Variants in RERE observed in about 807,000 individuals in gnomAD.
The protein encoded by RERE is arginine-glutamic acid dipeptide repeats protein.
A neutral mutation model predicts 146.1 loss-of-function variants in RERE; 40 were observed. That is an observed-to-expected ratio of 0.27 (90% CI 0.21 to 0.36). The LOEUF is 0.36. Among genes scored for constraint, RERE ranks in the 10% least tolerant of loss-of-function variants. The pLI is 1.00. For missense variants in RERE, 1,933 were observed against 2,138.7 expected, an observed-to-expected ratio of 0.90 and a Z score of 1.90; for synonymous variants, 1,003 against 866.0, an observed-to-expected ratio of 1.16 and a Z score of -2.78.
chr1:8,388,929 G>A (rs963499941), intron 12 of RERE, among the ~76,000 whole-genome samples: 1 of 152,064 alleles, frequency 6.6e-6, no homozygotes, highest in Non-Finnish European at 1.5e-5. Flanking sequence ...GGTGCTGTCC[G>A]AGCTCCACAG....
intron 10 of RERE, among the ~76,000 whole-genome samples, chr1:8,482,056 C>T (rs1476179137): frequency 6.6e-6 from 1 of 152,072 alleles, no homozygotes; most frequent in Admixed American, 6.5e-5. Context: ...TGCCTGAAAA[C>T]AGTACCCCCT....
intron 11 of RERE, among the ~76,000 whole-genome samples, chr1:8,442,158 G>T (rs1007772005): frequency 3.9e-5 from 6 of 152,136 alleles, no homozygotes; most frequent in African/African-American, 1.4e-4. Flanking sequence ...GCTTAGGTGG[G>T]CAGATTACCT....
intron 2 of RERE, among the ~76,000 whole-genome samples, chr1:8,654,031 T>TC (rs1647782998): frequency 6.6e-6 from 1 of 150,806 alleles, no homozygotes; most frequent in East Asian, 1.9e-4. Context: ...GCACTGACTT[T>TC]TTTTTTTTTT....
intron 4 of RERE, among the ~76,000 whole-genome samples, chr1:8,590,087 C>T (rs1646474804): frequency 6.6e-6 from 1 of 152,196 alleles, no homozygotes; most frequent in South Asian, 2.1e-4. Flanking sequence ...CAGGAACACT[C>T]CTACCACCAT....
intron 1 of RERE, among the ~76,000 whole-genome samples, chr1:8,779,474 A>C (rs1641126667): frequency 6.6e-6 from 1 of 151,928 alleles, no homozygotes; most frequent in Non-Finnish European, 1.5e-5. Context: ...ACCAGCCTTA[A>C]CAACAAGGTG....
intron 1 of RERE, among the ~76,000 whole-genome samples, chr1:8,657,070 A>T (rs996161410): frequency 3.3e-5 from 5 of 152,340 alleles, no homozygotes; most frequent in African/African-American, 1.2e-4. Context: ...TGGGAGGCCG[A>T]GGAAGATGGA....
At position 8,784,333 on chromosome 1, in the gene RERE, C is replaced by G. The variant is rs922723913; in HGVS notation, c.-145+32827G>C. 2.6e-5 allele frequency among the ~76,000 whole-genome samples: 4 copies of G among 152,182 alleles called. No individual in the cohort carries two copies. In the East Asian group the frequency reaches 7.7e-4, roughly 29 times the overall value. On this transcript the variant is annotated intron_variant, in intron 1 of 22. Coordinates refer to ENST00000400908, the MANE Select transcript of RERE (RefSeq NM_001042681.2). ...CCATCTTTCCACTTCTTTCAAACTC[C>G]CTTACAGTATCTATTTTTTTCCACA...
Position 8,662,506 on chromosome 1 carries a change from AC to A in RERE, c.-144-6066del, listed in dbSNP as rs376692438. ...AGACCAACCTGGGAAACACAGCAAG[AC>A]CCCATCTTTACAAAAGAAAAATAAA... On this transcript the variant is annotated intron_variant, in intron 1 of 22. Coordinates refer to ENST00000400908, the MANE Select transcript of RERE (RefSeq NM_001042681.2). Among the ~76,000 whole-genome samples, 171 of 152,234 alleles carry A rather than the reference AC, an allele frequency of 1.1e-3. 1 individual carries two copies. The South Asian group carries it at 0.034, about 31-fold the overall frequency.
At chr1:8,751,170 T>C (rs893938261) in intron 1 of RERE, 1 of 272,922 alleles carries the variant, frequency 3.7e-6, no homozygotes, top group African/African-American at 2.2e-5. Context: ...TAGTGTTCTG[T>C]TGCCCATCAT....
At chr1:8,627,041 G>A (rs926877127) in intron 2 of RERE, among the ~76,000 whole-genome samples, 3 of 152,050 alleles carry the variant, frequency 2.0e-5, no homozygotes, top group Non-Finnish European at 4.4e-5. Flanking sequence ...CCCCAACTCT[G>A]CTCCCAGTCT....
chr1:8,601,215 A>C (rs1646620830), intron 4 of RERE, among the ~76,000 whole-genome samples: 1 of 151,538 alleles, frequency 6.6e-6, no homozygotes, highest in African/African-American at 2.4e-5. Context: ...ATGGGGTTTC[A>C]CCATGTGGGC....
At chr1:8,637,653 T>A (rs1422879382) in intron 2 of RERE, among the ~76,000 whole-genome samples, 1 of 152,158 alleles carries the variant, frequency 6.6e-6, no homozygotes, top group Non-Finnish European at 1.5e-5. Context: ...AGCACAAAAA[T>A]ATGTCTGATC....
chr1:8,567,372 A>G (rs1046133787), intron 4 of RERE, among the ~76,000 whole-genome samples: 1 of 152,246 alleles, frequency 6.6e-6, no homozygotes, highest in South Asian at 2.1e-4. Flanking sequence ...AGTGTTTACA[A>G]TCAAGATATA....
intron 1 of RERE, among the ~76,000 whole-genome samples, chr1:8,681,060 G>A (rs1185720601): frequency 2.0e-5 from 3 of 152,260 alleles, no homozygotes; most frequent in South Asian, 2.1e-4. Flanking sequence ...AACCATCGAG[G>A]TCCCGGGAAA....
intron 7 of RERE, among the ~76,000 whole-genome samples, chr1:8,533,407 T>C (rs1036684585): frequency 9.2e-5 from 14 of 152,226 alleles, no homozygotes; most frequent in African/African-American, 2.2e-4. Context: ...CCACAGTTAA[T>C]GGTACATGGT....
At chr1:8,576,307 G>A (rs1646294063) in intron 4 of RERE, among the ~76,000 whole-genome samples, 1 of 152,038 alleles carries the variant, frequency 6.6e-6, no homozygotes, top group South Asian at 2.1e-4. Flanking sequence ...AAATTTTAGT[G>A]CCAATTATAA....
At chr1:8,607,795 G>A (rs564744443) in intron 4 of RERE, among the ~76,000 whole-genome samples, 3 of 142,020 alleles carry the variant, frequency 2.1e-5, no homozygotes, top group Non-Finnish European at 4.5e-5. Context: ...GTGTGATCTC[G>A]GCTCACTGGA....
At chr1:8,367,059 G>C (rs929661707) in intron 12 of RERE, among the ~76,000 whole-genome samples, 1 of 152,140 alleles carries the variant, frequency 6.6e-6, no homozygotes, top group Non-Finnish European at 1.5e-5. Flanking sequence ...TTGTCTTGGA[G>C]GTACCTGCAC....
chr1:8,607,534 C>CTTTTTTCTTTTTTTTTTT (rs1646733411), intron 4 of RERE, among the ~76,000 whole-genome samples: 4 of 48,586 alleles, frequency 8.2e-5, no homozygotes, highest in African/African-American at 3.4e-4. Context: ...ATATATATTT[C>CTTTTTTCTTTTTTTTTTT]TTTTTTTTTT....
Sources: allele counts gnomAD v4.1 joint callset (sites outside exome capture counted in the v4.1 genomes callset), GRCh38; gene constraint gnomAD v4.1.1; transcripts MANE v1.5; gene names NCBI Gene and HGNC (gene_info 2026-07-23, HGNC 2026-07-21).